Variants in RSPO2 observed in about 807,000 individuals in gnomAD.
RSPO2 encodes R-spondin-2.
In RSPO2, 14 loss-of-function variants were observed where a neutral mutation model predicts 30.9. That is an observed-to-expected ratio of 0.45 (90% confidence interval 0.30 to 0.71). The LOEUF (loss-of-function observed/expected upper bound fraction) is 0.71, where lower values mean the gene tolerates loss of function less well. Among genes scored for constraint, RSPO2 ranks in the 30% least tolerant of loss-of-function variants. The pLI, the probability that RSPO2 is intolerant of heterozygous loss-of-function variation, is 0.08. For synonymous variants in RSPO2, 107 were observed against 96.4 expected (o/e 1.11, Z -0.64); for missense variants, 264 against 301.9 (o/e 0.87, Z 0.93).
intron 2 of RSPO2, among the ~76,000 whole-genome samples, chr8:108,077,015 G>A (rs577845330): frequency 1.8e-4 from 28 of 152,270 alleles, no homozygotes; most frequent in African/African-American, 5.1e-4. Context: ...GAACTGTACC[G>A]ATGCTGGACT....
At chr8:107,928,293 C>T (rs979458728) in intron 5 of RSPO2, among the ~76,000 whole-genome samples, 3 of 152,110 alleles carry the variant, frequency 2.0e-5, no homozygotes, top group African/African-American at 7.2e-5. Flanking sequence ...TTAAAAAATA[C>T]ATAGTTAACA....
chr8:108,061,986 A>G (rs569818700), intron 2 of RSPO2, among the ~76,000 whole-genome samples: 7 of 152,028 alleles, frequency 4.6e-5, no homozygotes, highest in African/African-American at 1.7e-4. Context: ...TTTGAAACCA[A>G]TGAGAACAAA....
At chr8:108,022,389 A>T (rs1811085134) in intron 2 of RSPO2, among the ~76,000 whole-genome samples, 1 of 152,166 alleles carries the variant, frequency 6.6e-6, no homozygotes, top group Non-Finnish European at 1.5e-5. Flanking sequence ...AAAGTCATCA[A>T]CCTGGCCTCT....
At chr8:107,989,365 T>C (rs995767504) in intron 2 of RSPO2, 121 bp from the exon 3 acceptor site, 7 of 624,672 alleles carry the variant, frequency 1.1e-5, no homozygotes, top group Non-Finnish European at 1.8e-5. Context: ...AAATACTAAA[T>C]AAAATATCCC....
Position 108,072,319 on chromosome 8 carries a change from C to CTTTT in RSPO2, c.94+10222_94+10225dup, listed in dbSNP as rs34402426. ...TGAAAAACAATGAGATGGCAGAGAA[C>CTTTT]TTTTTTTTTTTTTTTTTTTTTTTTG... On this transcript the variant is annotated intron_variant, in intron 2 of 5. Coordinates refer to ENST00000276659, the MANE Select transcript of RSPO2 (RefSeq NM_178565.5). Among the ~76,000 whole-genome samples, 287 of 84,260 alleles carry CTTTT rather than the reference C, an allele frequency of 3.4e-3. 18 individuals are homozygous for CTTTT. Among genetic ancestry groups the CTTTT allele is most frequent in the African/African-American group, 9.4e-3 (195 of 20,756 alleles). The allele number at this position is 84,260 out of a possible 152,430, so 55.3% of individuals were successfully genotyped here. A position where few individuals can be genotyped will look rare whatever the true frequency, so the allele number is the denominator to read the frequency against.
intron 2 of RSPO2, among the ~76,000 whole-genome samples, chr8:108,039,009 A>C (rs1213625702): frequency 1.3e-5 from 2 of 152,234 alleles, no homozygotes; most frequent in African/African-American, 4.8e-5. Context: ...TCTAGTAGAC[A>C]TCACAAATTA....
At chr8:107,979,568 T>C (rs1814349779) in intron 3 of RSPO2, among the ~76,000 whole-genome samples, 1 of 151,986 alleles carries the variant, frequency 6.6e-6, no homozygotes, top group Non-Finnish European at 1.5e-5. Flanking sequence ...CATTAGGAGA[T>C]ACTAATGCTA....
At chr8:107,920,855 G>T (rs1812142028) in intron 5 of RSPO2, among the ~76,000 whole-genome samples, 2 of 152,060 alleles carry the variant, frequency 1.3e-5, no homozygotes, top group Admixed American at 1.3e-4. Context: ...AGTGCAAGAA[G>T]TTAAAACGTA....
At chr8:107,951,405 A>G (rs540961815) in intron 5 of RSPO2, among the ~76,000 whole-genome samples, 1 of 152,300 alleles carries the variant, frequency 6.6e-6, no homozygotes, top group Admixed American at 6.5e-5. Flanking sequence ...AGACATTCCT[A>G]TCTTATAAAA....
Position 107,910,840 on chromosome 8 carries a change from T to C in RSPO2, c.617-9650A>G, listed in dbSNP as rs992956553. ...TGGGAGGCTGAGGTGAGAGGATCAC[T>C]TGAGGCCAGGAGTTCAAGACCAGCC... On this transcript the variant is annotated intron_variant, in intron 5 of 5. Transcript: ENST00000276659. Among the ~76,000 whole-genome samples, 7 of 152,196 alleles carry C rather than the reference T, an allele frequency of 4.6e-5. No homozygotes were observed. In the East Asian group the frequency reaches 1.2e-3, roughly 25 times the overall value.
At chr8:108,034,192 G>GA (rs142036168) in intron 2 of RSPO2, among the ~76,000 whole-genome samples, 11,792 of 152,126 alleles carry the variant, frequency 0.078, 655 homozygotes, top group Non-Finnish European at 0.11. Context: ...TGAGGTTCTG[G>GA]GGGTTTTTTT....
At chr8:108,047,233 A>T (rs1004119501) in intron 2 of RSPO2, among the ~76,000 whole-genome samples, 4 of 152,238 alleles carry the variant, frequency 2.6e-5, no homozygotes, top group Non-Finnish European at 5.9e-5. Context: ...TGAATGCAAC[A>T]TTTAATCATG....
intron 2 of RSPO2, among the ~76,000 whole-genome samples, chr8:108,078,885 TACC>T (rs1338102276): frequency 6.6e-6 from 1 of 152,192 alleles, no homozygotes; most frequent in Non-Finnish European, 1.5e-5. Context: ...CTGGTTAAAA[TACC>T]ACAAGGTATA....
intron 5 of RSPO2, among the ~76,000 whole-genome samples, chr8:107,956,243 C>A (rs1384376580): frequency 1.3e-5 from 2 of 152,070 alleles, no homozygotes; most frequent in Non-Finnish European, 2.9e-5. Flanking sequence ...AATGATATAA[C>A]TTTGAAAACC....
At chr8:108,066,293 C>T (rs143023532) in intron 2 of RSPO2, among the ~76,000 whole-genome samples, 117 of 152,242 alleles carry the variant, frequency 7.7e-4, no homozygotes, top group African/African-American at 2.7e-3. Flanking sequence ...TTTTTCCATC[C>T]AATGAGCCTC....
chr8:108,077,496 T>C (rs1813050440), intron 2 of RSPO2, among the ~76,000 whole-genome samples: 1 of 152,076 alleles, frequency 6.6e-6, no homozygotes, highest in Non-Finnish European at 1.5e-5. Flanking sequence ...TGCCACCCCC[T>C]TTCCCACCCA....
intron 3 of RSPO2, among the ~76,000 whole-genome samples, chr8:107,965,627 C>A (rs1813776836): frequency 6.6e-6 from 1 of 151,708 alleles, no homozygotes; most frequent in African/African-American, 2.4e-5. Context: ...CAATTTCTGT[C>A]CTGCCATTCA....
At chr8:107,941,244 A>T (rs1440874423) in intron 5 of RSPO2, among the ~76,000 whole-genome samples, 1 of 152,132 alleles carries the variant, frequency 6.6e-6, no homozygotes, top group Non-Finnish European at 1.5e-5. Flanking sequence ...CTCAGAACAG[A>T]GCTGTTAGAA....
chr8:107,972,920 T>G (rs1814050881), intron 3 of RSPO2, among the ~76,000 whole-genome samples: 1 of 152,178 alleles, frequency 6.6e-6, no homozygotes, highest in African/African-American at 2.4e-5. Context: ...AAGATAAAAT[T>G]GAATGTTTTG....
Sources: allele counts gnomAD v4.1 joint callset (sites outside exome capture counted in the v4.1 genomes callset), GRCh38; gene constraint gnomAD v4.1.1; transcripts MANE v1.5; gene names NCBI Gene and HGNC (gene_info 2026-07-23, HGNC 2026-07-21).